FBXL15: variants seen among roughly 807,000 people sequenced by gnomAD.
The protein encoded by FBXL15 is F-box/LRR-repeat protein 15.
A neutral mutation model predicts 23.6 loss-of-function variants in FBXL15; 19 were observed. The ratio of observed to expected loss-of-function variants is 0.81; its 90% CI spans 0.56 to 1.18. The LOEUF (loss-of-function observed/expected upper bound fraction) is 1.18, where lower values mean the gene tolerates loss of function less well. Among genes scored for constraint, FBXL15 ranks in the 50% most tolerant of loss-of-function variants. The pLI, the probability that FBXL15 is intolerant of heterozygous loss-of-function variation, is 0.00. For synonymous variants in FBXL15, 224 were observed against 207.7 expected, an observed-to-expected ratio of 1.08 and a Z score of -0.67; for missense variants, 385 against 425.4, an observed-to-expected ratio of 0.91 and a Z score of 0.83.
Position 102,421,474 on chromosome 10 carries a change from C to T in FBXL15, c.174C>T (p.His58=). 1.3e-6 allele frequency: 2 copies of T among 1,504,094 alleles called. No homozygotes were observed. The highest frequency in any genetic ancestry group is 1.8e-6 in the Non-Finnish European group (2 of 1,129,892). The allele number at this position is 1,504,094 out of a possible 1,614,324, so 93.2% of individuals were successfully genotyped here. ...CCTTCCGGTCGCTGGTGCAGCTTCACCTGGCCGGGCTGCGTCGCTTCGATG... is the reference window on the plus strand; with the variant it reads ...CCTTCCGGTCGCTGGTGCAGCTTCATCTGGCCGGGCTGCGTCGCTTCGATG... ...SRAFRSLVQL[H]LAGLRRFDAA... is the part of the protein sequence containing the mutation. Residue 58 remains histidine (H), a synonymous_variant, in exon 2 of 4, where the codon CAC becomes CAT. Coordinates refer to ENST00000369956, the MANE Select transcript of FBXL15 (RefSeq NM_024326.4).
In FBXL15 at chr10:102,421,488, G is replaced by C. The variant is rs1285755873; in HGVS notation, c.188G>C (p.Arg63Pro). ...SLVQLHLAGLRRFDAAQVGPQ... is the reference protein window; with the variant it reads ...SLVQLHLAGLPRFDAAQVGPQ... ...GTGCAGCTTCACCTGGCCGGGCTGC[G>C]TCGCTTCGATGCCGCGCAGGTGAGC... Residue 63 changes from arginine (R) to proline (P), a missense_variant, in exon 2 of 4, where the codon CGT becomes CCT. Arg to Pro is a moderately radical substitution (Grantham distance 103, BLOSUM62 -2). This residue lies in a region of FBXL15 where 130 missense variants were observed against 95.1 expected (regional missense o/e 1.37). Transcript: ENST00000369956. 6.7e-7 allele frequency: 1 copy of C among 1,485,084 alleles called. No homozygotes were observed. Among genetic ancestry groups the C allele is most frequent in the Non-Finnish European group, 8.9e-7 (1 of 1,119,724 alleles). 92.0% of individuals were successfully genotyped at this position (1,485,084 alleles called of 1,614,324 possible).
rs749928361 is a variant in FBXL15, at chr10:102,422,150, C to T, written c.571C>T (p.Arg191Cys). 1.2e-5 allele frequency: 18 copies of T among 1,549,390 alleles called. No homozygotes were observed. The highest frequency in any genetic ancestry group is 5.5e-5 in the African/African-American group (4 of 73,218). ...GGCCATCGTGTACCTGGCGCAGAGG[C>T]GCGGCGCTGGTCTCCGCAGCCTCTC... ...DEAIVYLAQR[R>C]GAGLRSLSLA... Residue 191 changes from arginine (R) to cysteine (C), a missense_variant, in exon 3 of 4, where the codon CGC (arginine) becomes TGC (cysteine). Around this residue, in one of 2 missense-constraint regions of FBXL15, gnomAD observed 255 missense variants for 330.2 expected, o/e 0.77. Coordinates refer to ENST00000369956, the MANE Select transcript of FBXL15 (RefSeq NM_024326.4).
Position 102,422,273 on chromosome 10 carries a change from G to C in FBXL15, c.694G>C (p.Val232Leu). ...CCTTGACCTCACCGGCTGCCTCCGC[G>C]TCGGAAGCGACGGTGTCAGGTGCCT... The part of the protein sequence containing the change: ...HHLDLTGCLR[V>L]GSDGVRTLAE... Residue 232 changes from valine (V) to leucine (L), a missense_variant, in exon 3 of 4, where the codon GTC (valine) becomes CTC (leucine). Coordinates refer to ENST00000369956, the MANE Select transcript of FBXL15 (RefSeq NM_024326.4). The C allele has an allele frequency of 6.7e-7, 1 of 1,495,796 alleles. No homozygotes were observed. Among genetic ancestry groups the C allele is most frequent in the Non-Finnish European group, 8.9e-7 (1 of 1,123,344 alleles). 92.7% of individuals were successfully genotyped at this position (1,495,796 alleles called of 1,614,324 possible). A position where few individuals can be genotyped will look rare whatever the true frequency, so the allele number is the denominator to read the frequency against.
In FBXL15 at chr10:102,421,165, A is replaced by G. The variant is rs1218352895; in HGVS notation, c.36A>G (p.Gln12=). The G allele has an allele frequency of 1.2e-6, 2 of 1,611,154 alleles. No homozygotes were observed. The highest frequency in any genetic ancestry group is 1.1e-5 in the South Asian group (1 of 90,498). ...CGATGGAGCCGTCCGGAGGGGAGCA[A>G]GAGCCCGGAGCCGTCAGGTACCGAG... ...EPPMEPSGGE[Q]EPGAVRFLDL... The change falls in exon 1 of 4, where the codon CAA becomes CAG. Residue 12 remains glutamine (Q), a synonymous_variant. Transcript: ENST00000369956.
chr10:102,421,502 G>A lies in FBXL15; in HGVS notation c.202G>A (p.Ala68Thr). 1 of 1,466,994 alleles carries A rather than the reference G, an allele frequency of 6.8e-7. No individual in the cohort carries two copies. 90.9% of individuals were successfully genotyped at this position (1,466,994 alleles called of 1,614,324 possible). ...GGCCGGGCTGCGTCGCTTCGATGCC[G>A]CGCAGGTGAGCCGGGGGCTGAAGCC... ...HLAGLRRFDA[A>T]QVGPQIPRAA... The change falls in exon 2 of 4, where the codon GCG becomes ACG. Residue 68 changes from alanine to threonine, a missense_variant. Around this residue, in one of 2 missense-constraint regions of FBXL15, gnomAD observed 130 missense variants for 95.1 expected, o/e 1.37. Transcript: ENST00000369956.
In FBXL15 at chr10:102,421,073, C is replaced by T. The variant is rs199912947; in HGVS notation, c.-57C>T. On this transcript the variant is annotated 5_prime_UTR_variant, in exon 1 of 4. Transcript: ENST00000369956. The stretch of plus-strand genomic sequence containing the variant: ...ACAGGCCAAGGAGGCGGGTTTGGTG[C>T]GGCCACTCCAAGGCCAAAGCGAGAA... The T allele has an allele frequency of 4.0e-4, 631 of 1,567,048 alleles. No individual in the cohort carries two copies. Among genetic ancestry groups the T allele is most frequent in the Non-Finnish European group, 2.3e-4 (264 of 1,155,244 alleles).
In FBXL15 at chr10:102,422,162, C is replaced by G; in HGVS notation, c.583C>G (p.Leu195Val). The change falls in exon 3 of 4, where the codon CTC becomes GTC. Residue 195 changes from leucine (L) to valine (V), a missense_variant. By Grantham distance (32) the Leu-to-Val change is conservative. Coordinates refer to ENST00000369956, the MANE Select transcript of FBXL15 (RefSeq NM_024326.4). ...CCTGGCGCAGAGGCGCGGCGCTGGT[C>G]TCCGCAGCCTCTCTCTGGCCGTCAA... ...VYLAQRRGAG[L>V]RSLSLAVNAN... 6.5e-7 allele frequency: 1 copy of G among 1,546,182 alleles called. No individual in the cohort carries two copies. The highest frequency in any genetic ancestry group is 1.2e-5 in the South Asian group (1 of 83,182).
intron 2 of FBXL15, 70 bp downstream of exon 2, chr10:102,421,577 C>T: frequency 7.0e-7 from 1 of 1,435,010 alleles, no homozygotes; most frequent in Admixed American, 2.8e-5. Context: ...CCCAGCCCCG[C>T]AGTATGCCCT....
In FBXL15 at chr10:102,422,964, T is replaced by C. The variant is rs770486768; in HGVS notation, c.874T>C (p.Phe292Leu). ...GGTGCTGCTGCAGGATATGGCGGGC[T>C]TCGCACCTTTTGTCAACCTGCAGGT... is the stretch of plus-strand genomic sequence containing the variant. The part of the protein sequence containing the change: ...ALVLLQDMAG[F>L]APFVNLQV Residue 292 changes from phenylalanine (F) to leucine (L), a missense_variant, in exon 4 of 4, where the codon TTC becomes CTC. By Grantham distance (22) the Phe-to-Leu change is conservative. Around this residue, in one of 2 missense-constraint regions of FBXL15, gnomAD observed 255 missense variants for 330.2 expected, o/e 0.77. Transcript: ENST00000369956. 6.4e-7 allele frequency: 1 copy of C among 1,573,380 alleles called. No homozygotes were observed. The highest frequency in any genetic ancestry group is 1.8e-5 in the Admixed American group (1 of 54,172).
chr10:102,422,701 T>G, intron 3 of FBXL15, 103 bp from the exon 4 acceptor site: 1 of 1,271,264 alleles, frequency 7.9e-7, no homozygotes, highest in East Asian at 2.6e-5. Context: ...AGACCGGGAT[T>G]TTGCCGGAGC....
chr10:102,421,792 T>A lies in FBXL15; in HGVS notation c.213T>A (p.Gly71=). The A allele has an allele frequency of 6.4e-7, 1 of 1,550,740 alleles. No individual in the cohort carries two copies. Among genetic ancestry groups the A allele is most frequent in the Middle Eastern group, 2.0e-4 (1 of 4,952 alleles). The change falls in exon 3 of 4, where the codon GGT becomes GGA. Residue 71 remains glycine (G), a synonymous_variant. Coordinates refer to ENST00000369956, the MANE Select transcript of FBXL15 (RefSeq NM_024326.4). ...GGGTGCCTCCCCGCCCGCAGGTGGG[T>A]CCGCAGATCCCGCGGGCCGCATTGG... ...GLRRFDAAQV[G]PQIPRAALAR...
chr10:102,421,217 A>T, intron 1 of FBXL15, 35 bp downstream of exon 1: 1 of 1,598,308 alleles, frequency 6.3e-7, no homozygotes, highest in South Asian at 1.1e-5. Flanking sequence ...AGGGAAGAGG[A>T]ACCTGAGGGA....
rs201617141 is a variant in FBXL15, at chr10:102,422,003, C to T, written c.424C>T (p.Leu142=). ...GGCTTTGGCCGAGGGCTGCCCACGC[C>T]TGCAGCGCCTGTCGCTCGCGCACTG... The part of the protein sequence containing the change: ...LGALAEGCPR[L]QRLSLAHCDW... Residue 142 remains leucine, a synonymous_variant, in exon 3 of 4, where the codon CTG becomes TTG. Coordinates refer to ENST00000369956, the MANE Select transcript of FBXL15 (RefSeq NM_024326.4). 5.6e-5 allele frequency: 89 copies of T among 1,594,760 alleles called. No individual in the cohort carries two copies. In the East Asian group the frequency reaches 9.2e-4, roughly 16 times the overall value.
In FBXL15 at chr10:102,421,903, G is replaced by A; in HGVS notation, c.324G>A (p.Pro108=). 1.9e-6 allele frequency: 3 copies of A among 1,606,110 alleles called. No homozygotes were observed. Among genetic ancestry groups the A allele is most frequent in the Non-Finnish European group, 1.7e-6 (2 of 1,179,316 alleles). The change falls in exon 3 of 4, where the codon CCG becomes CCA. Residue 108 remains proline (P), a synonymous_variant. Transcript: ENST00000369956. ...GGCTGTCAGACGAGGACCTGGTGCC[G>A]GTGCTGGCGCGGAATCCGCAGCTGC... The part of the protein sequence containing the change: ...HEWLSDEDLV[P]VLARNPQLRS...
chr10:102,422,092 G>T lies in FBXL15; in HGVS notation c.513G>T (p.Leu171=). ...LADRCPALEE[L]DLTACRQLKD... The stretch of plus-strand genomic sequence containing the variant: ...ATCGCTGCCCGGCCCTGGAGGAGCT[G>T]GATCTCACCGCCTGCCGCCAGCTCA... The change falls in exon 3 of 4, where the codon CTG becomes CTT. Residue 171 remains leucine (L), a synonymous_variant. Transcript: ENST00000369956. 6.4e-7 allele frequency: 1 copy of T among 1,573,184 alleles called. No individual in the cohort carries two copies. The highest frequency in any genetic ancestry group is 2.3e-5 in the East Asian group (1 of 43,710).
rs1565233827 is a variant in FBXL15 at position 102,421,151 on chromosome 10, TCCGGAGGGGAGCAAGAG to T, written c.25_41del (p.Gly9ArgfsTer34). 14 of 1,610,800 alleles carry T rather than the reference TCCGGAGGGGAGCAAGAG, an allele frequency of 8.7e-6. No individual in the cohort carries two copies. Among genetic ancestry groups the T allele is most frequent in the Non-Finnish European group, 1.1e-5 (13 of 1,178,620 alleles). ...GCCGATGGAGCCACCGATGGAGCCG[TCCGGAGGGGAGCAAGAG>T]CCCGGAGCCGTCAGGTACCGAGCAC... is the stretch of plus-strand genomic sequence containing the variant. On this transcript the variant is annotated frameshift_variant, in exon 1 of 4. Coordinates refer to ENST00000369956, the MANE Select transcript of FBXL15 (RefSeq NM_024326.4). LOFTEE classifies it high-confidence loss of function.
At chr10:102,422,400 A>T (rs2061574914) in intron 3 of FBXL15, 108 bp downstream of exon 3, 4 of 1,291,428 alleles carry the variant, frequency 3.1e-6, no homozygotes, top group Non-Finnish European at 4.0e-6. Flanking sequence ...ATCTTCCTGC[A>T]AACCACAGCA....
intron 3 of FBXL15, among the ~76,000 whole-genome samples, chr10:102,422,569 G>A (rs2061576504): frequency 6.6e-6 from 1 of 152,192 alleles, no homozygotes; most frequent in Non-Finnish European, 1.5e-5. Context: ...AATCCTAGGC[G>A]GAGCTGAGGG....
chr10:102,421,608 C>G, intron 2 of FBXL15, 101 bp downstream of exon 2: 1 of 1,426,470 alleles, frequency 7.0e-7, no homozygotes, highest in Non-Finnish European at 9.2e-7. Context: ...CTTGGGCCGC[C>G]GGGGCTGCCC....
Sources: allele counts gnomAD v4.1 joint callset (sites outside exome capture counted in the v4.1 genomes callset), GRCh38; gene constraint gnomAD v4.1.1; regional missense constraint gnomAD v4.1.1; transcripts MANE v1.5; gene names NCBI Gene and HGNC (gene_info 2026-07-23, HGNC 2026-07-21).